The following GPR149 variants were observed in gnomAD, a reference collection of about 807,000 sequenced individuals.
GPR149 encodes G protein-coupled receptor 149.
In GPR149, 50 loss-of-function variants were observed where a neutral mutation model predicts 50.2. That is an observed-to-expected ratio of 1.00 (90% CI 0.79 to 1.26). The LOEUF (loss-of-function observed/expected upper bound fraction) is 1.26. Among genes scored for constraint, GPR149 ranks in the 50% most tolerant of loss-of-function variants. GPR149 has a pLI of 0.00. For missense variants in GPR149, 983 were observed against 895.4 expected (o/e 1.10, Z -1.25); for synonymous variants, 405 against 358.2 (o/e 1.13, Z -1.48).
chr3:154,392,129 A>T (rs554296533), intron 3 of GPR149, among the ~76,000 whole-genome samples: 2 of 152,028 alleles, frequency 1.3e-5, no homozygotes, highest in Non-Finnish European at 2.9e-5. Flanking sequence ...AGGAAACAGG[A>T]TCTGAACAAC....
chr3:154,413,097 C>A (rs1711887634), intron 3 of GPR149, among the ~76,000 whole-genome samples: 1 of 151,972 alleles, frequency 6.6e-6, no homozygotes, highest in South Asian at 2.1e-4. Context: ...ATTGGCAAAC[C>A]ACATGTAGAA....
At chr3:154,413,557 C>A (rs1711900626) in intron 3 of GPR149, among the ~76,000 whole-genome samples, 1 of 151,638 alleles carries the variant, frequency 6.6e-6, no homozygotes, top group African/African-American at 2.4e-5. Context: ...GAAAAATGCT[C>A]AACACCACTA....
At chr3:154,424,347 G>A (rs1712234853) in intron 2 of GPR149, among the ~76,000 whole-genome samples, 1 of 151,776 alleles carries the variant, frequency 6.6e-6, no homozygotes, top group Admixed American at 6.6e-5. Context: ...AATGAATGAA[G>A]CAACCTGTAG....
In GPR149 at chr3:154,351,898, A is replaced by C. The variant is rs994265398; in HGVS notation, c.1624-13627T>G. ...TCTTTTCAAATGTCTTTAATTATCT[A>C]ATATTCTCATTTTTTCTAAAAAGAT... On this transcript the variant is annotated intron_variant, in intron 3 of 3. Transcript: ENST00000389740. 6.6e-5 allele frequency among the ~76,000 whole-genome samples: 10 copies of C among 152,180 alleles called. No homozygotes were observed. The South Asian group carries it at 1.7e-3, about 25-fold the overall frequency.
At chr3:154,360,520 C>T (rs1393867372) in intron 3 of GPR149, among the ~76,000 whole-genome samples, 1 of 152,090 alleles carries the variant, frequency 6.6e-6, no homozygotes, top group East Asian at 1.9e-4. Flanking sequence ...TTGAGATGCA[C>T]AGATGTTAAG....
intron 3 of GPR149, among the ~76,000 whole-genome samples, chr3:154,350,398 T>C (rs970341797): frequency 3.3e-5 from 5 of 152,144 alleles, no homozygotes; most frequent in African/African-American, 1.2e-4. Context: ...CTTCTATGAC[T>C]AGCAATGAAC....
chr3:154,390,215 TC>T (rs1715139177), intron 3 of GPR149, among the ~76,000 whole-genome samples: 1 of 151,940 alleles, frequency 6.6e-6, no homozygotes, highest in African/African-American at 2.4e-5. Flanking sequence ...GAAAATATGT[TC>T]CAAACAAAGC....
chr3:154,421,468 T>G lies in GPR149; in HGVS notation c.1194A>C (p.Glu398Asp). 6.3e-7 allele frequency: 1 copy of G among 1,575,564 alleles called. No individual in the cohort carries two copies. Among genetic ancestry groups the G allele is most frequent in the Admixed American group, 1.8e-5 (1 of 54,550 alleles). Residue 398 changes from glutamate to aspartate, a missense_variant, in exon 3 of 4, where the codon GAA (glutamate) becomes GAC (aspartate). Physicochemically the swap from Glu to Asp is conservative, Grantham distance 45. Coordinates refer to ENST00000389740, the MANE Select transcript of GPR149 (RefSeq NM_001038705.3). ...DGKKIKRKGF[E>D]FNLSFQKSYG... ...AACTTTTTTGGAATGATAGATTGAA[T>G]TCAAAGCCTTTTCTCTTGACTGAGT...
rs932485326 is a variant in GPR149 at position 154,428,873 on chromosome 3, A to G, written c.743T>C (p.Val248Ala). ...IPGTPPTAGR[V>A]VSLSPEDAPG... ...AGCATCCTCTGGGGACAGGGAAACC[A>G]CTCTCCCCGCAGTAGGAGGGGTCCC... The change falls in exon 1 of 4, where the codon GTG becomes GCG. Residue 248 changes from valine (V) to alanine (A), a missense_variant. By Grantham distance (64) the Val-to-Ala change is moderately conservative. Transcript: ENST00000389740. The G allele has an allele frequency of 3.7e-6, 6 of 1,613,118 alleles. No homozygotes were observed. The highest frequency in any genetic ancestry group is 5.1e-6 in the Non-Finnish European group (6 of 1,179,748).
At chr3:154,388,281 G>A (rs954661951) in intron 3 of GPR149, among the ~76,000 whole-genome samples, 25 of 151,876 alleles carry the variant, frequency 1.6e-4, no homozygotes, top group Non-Finnish European at 3.1e-4. Context: ...TGAGTAAACA[G>A]CAGTATTCAT....
chr3:154,393,128 G>A (rs183740858), intron 3 of GPR149, among the ~76,000 whole-genome samples: 46 of 151,906 alleles, frequency 3.0e-4, no homozygotes, highest in Non-Finnish European at 5.9e-5. Context: ...AATATCAGAA[G>A]AAAAGAAAAC....
chr3:154,425,034 A>G (rs1459499943), intron 2 of GPR149, among the ~76,000 whole-genome samples: 2 of 151,922 alleles, frequency 1.3e-5, no homozygotes, highest in South Asian at 4.1e-4. Context: ...TGTTAAAATC[A>G]TTTGAGAAGC....
intron 3 of GPR149, among the ~76,000 whole-genome samples, chr3:154,409,385 G>A (rs1237389021): frequency 2.0e-5 from 3 of 151,898 alleles, no homozygotes; most frequent in South Asian, 4.1e-4. Context: ...ACAAAATTTC[G>A]GAATTTCCAG....
chr3:154,426,685 A>T (rs555824895), intron 2 of GPR149, among the ~76,000 whole-genome samples: 1 of 152,180 alleles, frequency 6.6e-6, no homozygotes, highest in African/African-American at 2.4e-5. Flanking sequence ...GAACAATTAC[A>T]CTGTAGGGAG....
intron 2 of GPR149, among the ~76,000 whole-genome samples, chr3:154,423,504 G>T (rs1168350150): frequency 6.6e-6 from 1 of 151,840 alleles, no homozygotes; most frequent in Non-Finnish European, 1.5e-5. Flanking sequence ...ATTATGAAGT[G>T]TAATCAATGG....
At chr3:154,348,023 CT>C (rs1448529443) in intron 3 of GPR149, among the ~76,000 whole-genome samples, 3 of 152,160 alleles carry the variant, frequency 2.0e-5, no homozygotes, top group Non-Finnish European at 4.4e-5. Context: ...AGTTGTCTCA[CT>C]TGCAAAATAT....
At chr3:154,415,615 T>A (rs1711964239) in intron 3 of GPR149, among the ~76,000 whole-genome samples, 1 of 151,936 alleles carries the variant, frequency 6.6e-6, no homozygotes, top group Admixed American at 6.6e-5. Context: ...GCAGGACTTT[T>A]TTTGGTTTGT....
intron 3 of GPR149, among the ~76,000 whole-genome samples, chr3:154,345,493 A>T (rs1176418275): frequency 6.6e-6 from 1 of 152,224 alleles, no homozygotes; most frequent in Non-Finnish European, 1.5e-5. Context: ...AGGAATAATG[A>T]TAATCCATTA....
At chr3:154,338,492 T>A (rs558941543) in intron 3 of GPR149, among the ~76,000 whole-genome samples, 1 of 152,306 alleles carries the variant, frequency 6.6e-6, no homozygotes, top group South Asian at 2.1e-4. Flanking sequence ...TAGGAACCTT[T>A]ATTTGAAGAT....
Sources: gnomAD v4.1 joint callset for allele counts (sites outside exome capture counted in the v4.1 genomes callset) on GRCh38, gnomAD v4.1.1 for gene constraint, MANE v1.5 for transcripts, NCBI Gene and HGNC (gene_info 2026-07-23, HGNC 2026-07-21) for gene names.